Variants in ALKBH8 observed in about 807,000 individuals in gnomAD.
The protein encoded by ALKBH8 is tRNA (carboxymethyluridine(34)-5-O)-methyltransferase ALKBH8.
A neutral mutation model predicts 59.8 loss-of-function variants in ALKBH8; 36 were observed. That is an observed-to-expected ratio of 0.60 (90% CI 0.46 to 0.79). ALKBH8 has a LOEUF of 0.79. Among genes scored for constraint, ALKBH8 ranks in the 30% least tolerant of loss-of-function variants. ALKBH8 has a pLI of 0.00. For missense variants in ALKBH8, 768 were observed against 801.0 expected, an observed-to-expected ratio of 0.96 and a Z score of 0.50; for synonymous variants, 276 against 273.6, an observed-to-expected ratio of 1.01 and a Z score of -0.09.
intron 10 of ALKBH8, among the ~76,000 whole-genome samples, chr11:107,513,018 A>G (rs1297660901): frequency 6.6e-6 from 1 of 152,210 alleles, no homozygotes; most frequent in Non-Finnish European, 1.5e-5. Flanking sequence ...AGACAACAAA[A>G]ACAACTGCCA....
chr11:107,513,406 G>C (rs2135479394), intron 10 of ALKBH8, among the ~76,000 whole-genome samples: 1 of 152,320 alleles, frequency 6.6e-6, no homozygotes, highest in South Asian at 2.1e-4. Flanking sequence ...TAACATGCTG[G>C]TGAGGTTGCA....
chr11:107,552,771 C>G (rs1188989148), intron 5 of ALKBH8, among the ~76,000 whole-genome samples: 2 of 152,082 alleles, frequency 1.3e-5, no homozygotes, highest in African/African-American at 4.8e-5. Context: ...GAGGCATGTT[C>G]AAAGATATTC....
At chr11:107,563,989 T>C (rs1196184676) in intron 1 of ALKBH8, among the ~76,000 whole-genome samples, 2 of 152,162 alleles carry the variant, frequency 1.3e-5, no homozygotes, top group African/African-American at 4.8e-5. Flanking sequence ...TCAACAAGGA[T>C]AGGCTGATAC....
At chr11:107,563,910 C>T (rs750035771) in intron 1 of ALKBH8, among the ~76,000 whole-genome samples, 1 of 152,100 alleles carries the variant, frequency 6.6e-6, no homozygotes, top group Non-Finnish European at 1.5e-5. Context: ...CACTAAATGG[C>T]CTTTGAGGCT....
rs775374331 is a variant in ALKBH8 at position 107,525,563 on chromosome 11, T to C, written c.908A>G (p.Gln303Arg). Residue 303 changes from glutamine to arginine, a missense_variant, in exon 9 of 12, where the codon CAA (glutamine) becomes CGA (arginine). By Grantham distance (43) the Gln-to-Arg change is conservative. Coordinates refer to ENST00000428149, the MANE Select transcript of ALKBH8 (RefSeq NM_138775.3). ...GITCRKFDTV[Q>R]ASESLKSGII... ...TCCACTTTTAAGACTCTCAGATGCT[T>C]GAACAGTATCAAATTTTCTGCACGT... is the stretch of plus-strand genomic sequence containing the variant. 1.5e-5 allele frequency: 23 copies of C among 1,485,750 alleles called. No homozygotes were observed. The African/African-American group carries it at 3.2e-4, about 21-fold the overall frequency. 92.0% of individuals were successfully genotyped at this position (1,485,750 alleles called of 1,614,324 possible).
chr11:107,561,063 T>C (rs553254997), intron 1 of ALKBH8, among the ~76,000 whole-genome samples, 164 bp from the exon 2 acceptor site: 101 of 152,092 alleles, frequency 6.6e-4, no homozygotes, highest in Non-Finnish European at 1.3e-3. Context: ...AACAGATAAA[T>C]AAAAAATGAA....
Position 107,519,520 on chromosome 11 carries a change from C to T in ALKBH8, c.1287+2779G>A, listed in dbSNP as rs148659811. Among the ~76,000 whole-genome samples, 1,006 of 152,180 alleles carry T rather than the reference C, an allele frequency of 6.6e-3. 12 individuals carry two copies. The highest frequency in any genetic ancestry group is 0.028 in the South Asian group (134 of 4,818). ...TAAAGTGCAGAGAAATAAACAGAGG[C>T]AGTAAAGTACATTGAAAAGAGCATA... On this transcript the variant is annotated intron_variant, in intron 10 of 11. Coordinates refer to ENST00000428149, the MANE Select transcript of ALKBH8 (RefSeq NM_138775.3).
At chr11:107,507,580 T>C (rs1313084939) in intron 11 of ALKBH8, among the ~76,000 whole-genome samples, 3 of 152,222 alleles carry the variant, frequency 2.0e-5, no homozygotes, top group African/African-American at 7.2e-5. Context: ...AAGTACTTTA[T>C]GTATTGTCTC....
intron 7 of ALKBH8, among the ~76,000 whole-genome samples, chr11:107,541,741 T>G (rs1369789916): frequency 6.6e-6 from 1 of 152,142 alleles, no homozygotes; most frequent in Non-Finnish European, 1.5e-5. Context: ...ACACAGTACC[T>G]GCTCTGGAAA....
chr11:107,556,804 C>A lies in ALKBH8; in HGVS notation c.329G>T (p.Gly110Val). The change falls in exon 3 of 12, where the codon GGA becomes GTA. Residue 110 changes from glycine to valine, a missense_variant. Physicochemically the swap from Gly to Val is moderately radical, Grantham distance 109. Coordinates refer to ENST00000428149, the MANE Select transcript of ALKBH8 (RefSeq NM_138775.3). ...LNGKEVVDDL[G>V]QKITLYLNFV... ...ATTCAAATACAGAGTGATCTTTTGT[C>A]CTAAATCATCCACTACTTCTTTTCC... 2 of 1,452,572 alleles carry A rather than the reference C, an allele frequency of 1.4e-6. No individual in the cohort carries two copies. The highest frequency in any genetic ancestry group is 1.8e-6 in the Non-Finnish European group (2 of 1,095,182). The allele number at this position is 1,452,572 out of a possible 1,614,324, so 90.0% of individuals were successfully genotyped here.
At chr11:107,516,313 A>C (rs1485760742) in intron 10 of ALKBH8, among the ~76,000 whole-genome samples, 1 of 152,248 alleles carries the variant, frequency 6.6e-6, no homozygotes, top group Non-Finnish European at 1.5e-5. Context: ...AACAGAACAC[A>C]ACCAAATTTC....
chr11:107,553,403 G>A (rs1348603953), intron 4 of ALKBH8, among the ~76,000 whole-genome samples, 200 bp from the exon 5 acceptor site: 1 of 152,090 alleles, frequency 6.6e-6, no homozygotes, highest in African/African-American at 2.4e-5. Context: ...AACTCTTCAA[G>A]AGTTTTACCC....
At chr11:107,519,869 C>T (rs1863033917) in intron 10 of ALKBH8, among the ~76,000 whole-genome samples, 1 of 152,076 alleles carries the variant, frequency 6.6e-6, no homozygotes. Flanking sequence ...GCCTCTGTTT[C>T]CTCATCTAAA....
intron 7 of ALKBH8, among the ~76,000 whole-genome samples, chr11:107,538,374 A>G (rs1044487533): frequency 6.6e-6 from 1 of 152,210 alleles, no homozygotes; most frequent in Admixed American, 6.6e-5. Context: ...TGCTTGTTAA[A>G]AGACCACAAA....
chr11:107,528,366 A>C (rs906055422), intron 8 of ALKBH8, among the ~76,000 whole-genome samples: 1 of 150,324 alleles, frequency 6.7e-6, no homozygotes, highest in Non-Finnish European at 1.5e-5. Flanking sequence ...TGATTATTAT[A>C]CTTTAAGTTT....
In ALKBH8 at chr11:107,508,026, A is replaced by T. The variant is rs115714252; in HGVS notation, c.1438-2811T>A. On this transcript the variant is annotated intron_variant, in intron 11 of 11. Transcript: ENST00000428149. ...AAATTATAACTATGGCATTCAACCA[A>T]CAACACATAAATCCAACAAATTATA... Among the ~76,000 whole-genome samples the T allele has an allele frequency of 3.8e-3, 582 of 152,284 alleles. 3 individuals are homozygous for T. The highest frequency in any genetic ancestry group is 0.013 in the African/African-American group (548 of 41,554).
At chr11:107,549,397 G>T (rs1364930325) in intron 7 of ALKBH8, among the ~76,000 whole-genome samples, 2 of 152,084 alleles carry the variant, frequency 1.3e-5, no homozygotes, top group Non-Finnish European at 2.9e-5. Context: ...ATTTTAATTT[G>T]TTTCCTTTTT....
rs1864588469 is a variant in ALKBH8 at position 107,553,715 on chromosome 11, G to A, written c.499+132C>T. ...TAATGTTCCTAAGAATTGTTGGTAT[G>A]ACTTGCCTAACATTGGATCCGGGCT... is the stretch of plus-strand genomic sequence containing the variant. On this transcript the variant is annotated intron_variant, in intron 4 of 11. Transcript: ENST00000428149. 3 of 917,348 alleles carry A rather than the reference G, an allele frequency of 3.3e-6. 1 individual carries two copies. Among genetic ancestry groups the A allele is most frequent in the Non-Finnish European group, 1.6e-6 (1 of 623,620 alleles). The allele number at this position is 917,348 out of a possible 1,614,324, so 56.8% of individuals were successfully genotyped here.
At chr11:107,509,228 TTATGG>T (rs1862520865) in intron 11 of ALKBH8, among the ~76,000 whole-genome samples, 1 of 152,208 alleles carries the variant, frequency 6.6e-6, no homozygotes, top group South Asian at 2.1e-4. Context: ...TGGTATCTCA[TTATGG>T]TTTTGATTTG....
Sources: gnomAD v4.1 joint callset for allele counts (sites outside exome capture counted in the v4.1 genomes callset) on GRCh38, gnomAD v4.1.1 for gene constraint, MANE v1.5 for transcripts, NCBI Gene and HGNC (gene_info 2026-07-23, HGNC 2026-07-21) for gene names.